The following PCDH9 variants were observed in gnomAD, a reference collection of about 807,000 sequenced individuals.
PCDH9 encodes the protein protocadherin-9.
A neutral mutation model predicts 70.6 loss-of-function variants in PCDH9; 24 were observed. The ratio of observed to expected loss-of-function variants is 0.34; its 90% confidence interval spans 0.25 to 0.48. The LOEUF is 0.48. PCDH9 is among the 20% of genes least tolerant of loss of function. The pLI, the probability that PCDH9 is intolerant of heterozygous loss-of-function variation, is 0.99. For missense variants in PCDH9, 1,281 were observed against 1,503.6 expected, an observed-to-expected ratio of 0.85 and a Z score of 2.45; for synonymous variants, 562 against 558.5, an observed-to-expected ratio of 1.01 and a Z score of -0.09.
chr13:66,378,358 T>G (rs1170017201), intron 4 of PCDH9, among the ~76,000 whole-genome samples: 1 of 143,984 alleles, frequency 6.9e-6, no homozygotes, highest in Non-Finnish European at 1.5e-5. Flanking sequence ...GGGTAAGTGC[T>G]TTTTTTTTGT....
chr13:66,590,860 C>A lies in PCDH9; in HGVS notation c.3340+40350G>T, dbSNP rs932867618. On this transcript the variant is annotated intron_variant, in intron 4 of 4. Coordinates refer to ENST00000377865, the MANE Select transcript of PCDH9 (RefSeq NM_203487.3). ...ATTTACATCCTCATATTGATTTATT[C>A]TCTTCTTTCATTAAATATATAACAA... 5.3e-5 allele frequency among the ~76,000 whole-genome samples: 8 copies of A among 151,616 alleles called. No homozygotes were observed. In the Admixed American group the frequency reaches 5.3e-4, roughly 10 times the overall value.
At position 67,222,011 on chromosome 13, in the gene PCDH9, G is replaced by A. The variant is rs1453523037; in HGVS notation, c.3036+3394C>T. On this transcript the variant is annotated intron_variant, in intron 2 of 4. Coordinates refer to ENST00000377865, the MANE Select transcript of PCDH9 (RefSeq NM_203487.3). ...TTTTCAGTCCTGACCTCAGTGGTAC[G>A]AAATCAGAGCCTCTGGGGTAGAACC... is the stretch of plus-strand genomic sequence containing the variant. 3.9e-5 allele frequency: 6 copies of A among 152,116 alleles called. No homozygotes were observed. In the East Asian group the frequency reaches 5.8e-4, roughly 15 times the overall value. The allele number at this position is 152,116 out of a possible 1,614,324, so 9.4% of individuals were successfully genotyped here.
intron 2 of PCDH9, among the ~76,000 whole-genome samples, chr13:66,952,579 G>C (rs1310574608): frequency 1.3e-5 from 2 of 152,080 alleles, no homozygotes; most frequent in Non-Finnish European, 2.9e-5. Context: ...AGTATTAAAT[G>C]CAAGGTCACT....
chr13:66,536,256 G>A (rs1048178703), intron 4 of PCDH9, among the ~76,000 whole-genome samples: 14 of 152,050 alleles, frequency 9.2e-5, no homozygotes, highest in Admixed American at 2.6e-4. Context: ...GAGTACAACA[G>A]CTGAAGCTCA....
chr13:66,718,696 G>A (rs564385209), intron 3 of PCDH9, among the ~76,000 whole-genome samples: 1 of 152,278 alleles, frequency 6.6e-6, no homozygotes, highest in South Asian at 2.1e-4. Context: ...AACCAAAATG[G>A]TTCAAACTTT....
intron 4 of PCDH9, among the ~76,000 whole-genome samples, chr13:66,469,785 G>A (rs531057180): frequency 2.0e-5 from 3 of 151,894 alleles, no homozygotes; most frequent in Non-Finnish European, 2.9e-5. Flanking sequence ...TTCCCTTCAC[G>A]GTTTGCTTTT....
chr13:66,440,388 T>A (rs933615792), intron 4 of PCDH9, among the ~76,000 whole-genome samples: 1 of 152,130 alleles, frequency 6.6e-6, no homozygotes, highest in Non-Finnish European at 1.5e-5. Flanking sequence ...GATTATTAAT[T>A]TCCTGTGCTT....
At chr13:66,724,251 A>G (rs1196843995) in intron 3 of PCDH9, among the ~76,000 whole-genome samples, 1 of 152,186 alleles carries the variant, frequency 6.6e-6, no homozygotes, top group Non-Finnish European at 1.5e-5. Context: ...TGAGCCAAAA[A>G]CAATATTTAA....
At chr13:66,830,201 T>C (rs1482614065) in intron 3 of PCDH9, among the ~76,000 whole-genome samples, 1 of 152,214 alleles carries the variant, frequency 6.6e-6, no homozygotes, top group Non-Finnish European at 1.5e-5. Context: ...TCACATTATA[T>C]TCTCTTCAAT....
intron 2 of PCDH9, among the ~76,000 whole-genome samples, chr13:67,178,206 C>T (rs755612002): frequency 6.6e-6 from 1 of 152,020 alleles, no homozygotes; most frequent in Non-Finnish European, 1.5e-5. Context: ...AGAGATCTTG[C>T]TGAGATCACT....
At chr13:66,749,374 C>G (rs1050108270) in intron 3 of PCDH9, among the ~76,000 whole-genome samples, 1 of 152,128 alleles carries the variant, frequency 6.6e-6, no homozygotes, top group Non-Finnish European at 1.5e-5. Flanking sequence ...GGAGGAATAA[C>G]AACAAATACT....
At chr13:66,375,091 T>C (rs1319768988) in intron 4 of PCDH9, among the ~76,000 whole-genome samples, 3 of 152,152 alleles carry the variant, frequency 2.0e-5, no homozygotes, top group African/African-American at 7.2e-5. Context: ...ATATCGAATA[T>C]GCTACTAAAC....
At chr13:66,644,443 C>T (rs990897343) in intron 3 of PCDH9, among the ~76,000 whole-genome samples, 11 of 151,616 alleles carry the variant, frequency 7.3e-5, no homozygotes, top group Non-Finnish European at 1.5e-4. Context: ...TAAAAATAGT[C>T]TTAAAAAAAG....
chr13:66,396,759 C>T (rs532822200), intron 4 of PCDH9, among the ~76,000 whole-genome samples: 1 of 152,110 alleles, frequency 6.6e-6, no homozygotes, highest in East Asian at 1.9e-4. Flanking sequence ...GTAATAAATA[C>T]AAGAATGTAT....
At chr13:67,145,300 A>G (rs2087495277) in intron 2 of PCDH9, among the ~76,000 whole-genome samples, 1 of 152,072 alleles carries the variant, frequency 6.6e-6, no homozygotes, top group Admixed American at 6.6e-5. Flanking sequence ...ATGCTTGTAA[A>G]TGAAGTGTCT....
At chr13:66,553,419 T>G (rs1397210932) in intron 4 of PCDH9, among the ~76,000 whole-genome samples, 1 of 152,192 alleles carries the variant, frequency 6.6e-6, no homozygotes, top group Non-Finnish European at 1.5e-5. Context: ...CTGATACAGG[T>G]CCGTGACTCA....
At position 66,577,524 on chromosome 13, in the gene PCDH9, C is replaced by G. The variant is rs571999110; in HGVS notation, c.3340+53686G>C. On this transcript the variant is annotated intron_variant, in intron 4 of 4. Coordinates refer to ENST00000377865, the MANE Select transcript of PCDH9 (RefSeq NM_203487.3). ...AGAGAAAGCTTGTTATGCTCTGACA[C>G]CTATTTTGGAGATTAGTCATTGTCC... 1.0e-3 allele frequency among the ~76,000 whole-genome samples: 152 copies of G among 151,994 alleles called. 2 individuals are homozygous for G. The Middle Eastern group carries it at 0.02, about 20-fold the overall frequency.
chr13:66,427,402 T>C (rs1190477722), intron 4 of PCDH9, among the ~76,000 whole-genome samples: 1 of 151,806 alleles, frequency 6.6e-6, no homozygotes, highest in African/African-American at 2.4e-5. Context: ...CGTTTATTCT[T>C]GCATAAATGC....
At chr13:66,828,810 A>AAAAAAAAAAAAAAAAAAAAAAAATAAT (rs71207607) in intron 3 of PCDH9, among the ~76,000 whole-genome samples, 1 of 148,608 alleles carries the variant, frequency 6.7e-6, no homozygotes, top group African/African-American at 2.5e-5. Context: ...GCCATACATA[A>AAAAAAAAAAAAAAAAAAAAAAAATAAT]AATAATAATA....
Sources: gnomAD v4.1 joint callset for allele counts (sites outside exome capture counted in the v4.1 genomes callset) on GRCh38, gnomAD v4.1.1 for gene constraint, MANE v1.5 for transcripts, NCBI Gene and HGNC (gene_info 2026-07-23, HGNC 2026-07-21) for gene names.